The following DCHS2 variants were observed in gnomAD, a reference collection of about 807,000 sequenced individuals.
DCHS2 encodes the protein dachsous cadherin-related 2.
DCHS2 carries 142 observed loss-of-function variants against 182.4 expected under a neutral mutation model. The ratio of observed to expected loss-of-function variants is 0.78; its 90% confidence interval spans 0.68 to 0.89. The LOEUF (loss-of-function observed/expected upper bound fraction) is 0.89. Ranked by LOEUF, DCHS2 falls within the 40% of genes least tolerant of loss-of-function variation. The pLI is 0.00. For missense variants in DCHS2, 4,319 were observed against 4,198.6 expected, an observed-to-expected ratio of 1.03 and a Z score of -0.79; for synonymous variants, 1,740 against 1,663.3, an observed-to-expected ratio of 1.05 and a Z score of -1.12.
intron 19 of DCHS2, 34 bp downstream of exon 19, chr4:154,239,136 C>A: frequency 1.9e-6 from 3 of 1,595,564 alleles, no homozygotes; most frequent in Non-Finnish European, 2.6e-6. Flanking sequence ...GAAACCCAAA[C>A]CTATGAGCAT....
chr4:154,473,289 G>GAGC (rs1474809364), intron 1 of DCHS2, among the ~76,000 whole-genome samples: 2 of 152,188 alleles, frequency 1.3e-5, no homozygotes, highest in African/African-American at 4.8e-5. Flanking sequence ...CAGAGTTGGG[G>GAGC]AGCACTTCAT....
intron 1 of DCHS2, among the ~76,000 whole-genome samples, chr4:154,417,124 A>G (rs1164891832): frequency 6.6e-6 from 1 of 151,528 alleles, no homozygotes; most frequent in Non-Finnish European, 1.5e-5. Flanking sequence ...AAAACCACAC[A>G]AAAACCACCT....
intron 1 of DCHS2, among the ~76,000 whole-genome samples, chr4:154,378,175 C>G (rs1730999779): frequency 6.6e-6 from 1 of 152,072 alleles, no homozygotes; most frequent in African/African-American, 2.4e-5. Context: ...ATACGTACCA[C>G]TTATGTTACC....
chr4:154,387,242 A>C (rs1731461839), intron 1 of DCHS2, among the ~76,000 whole-genome samples: 1 of 152,164 alleles, frequency 6.6e-6, no homozygotes, highest in Non-Finnish European at 1.5e-5. Flanking sequence ...TCAAAAAAGC[A>C]GTCTAAGGAA....
chr4:154,264,038 A>G (rs1225879594), intron 14 of DCHS2, among the ~76,000 whole-genome samples: 1 of 152,160 alleles, frequency 6.6e-6, no homozygotes, highest in East Asian at 1.9e-4. Context: ...TATGGTAGCT[A>G]TACTATCATA....
Position 154,236,787 on chromosome 4 carries a change from C to A in DCHS2, c.7865G>T (p.Ser2622Ile). 1 of 1,613,990 alleles carries A rather than the reference C, an allele frequency of 6.2e-7. No homozygotes were observed. The highest frequency in any genetic ancestry group is 8.5e-7 in the Non-Finnish European group (1 of 1,179,962). ...GCTAGCACTTGCTTCTCTGTCCAGA[C>A]TGTGAAGCAACACAAGATAACCGAC... is the stretch of plus-strand genomic sequence containing the variant. ...KQVGYLVLLHSLDREASASHE... is the reference protein window; with the variant it reads ...KQVGYLVLLHILDREASASHE... The change falls in exon 20 of 20, where the codon AGT becomes ATT. Residue 2622 changes from serine to isoleucine, a missense_variant. Physicochemically the swap from Ser to Ile is moderately radical, Grantham distance 142. Coordinates refer to ENST00000357232, the MANE Select transcript of DCHS2 (RefSeq NM_001358235.2).
At chr4:154,370,754 A>T (rs1730606760) in intron 2 of DCHS2, among the ~76,000 whole-genome samples, 1 of 152,122 alleles carries the variant, frequency 6.6e-6, no homozygotes, top group Non-Finnish European at 1.5e-5. Flanking sequence ...CAGACCTGTT[A>T]TTTTTCTCCA....
intron 1 of DCHS2, among the ~76,000 whole-genome samples, chr4:154,475,811 T>G (rs1181510281): frequency 6.6e-6 from 1 of 152,216 alleles, no homozygotes; most frequent in African/African-American, 2.4e-5. Context: ...ATACATTATC[T>G]TCAATTCTCA....
intron 1 of DCHS2, among the ~76,000 whole-genome samples, chr4:154,454,053 A>G (rs1734653550): frequency 6.6e-6 from 1 of 152,218 alleles, no homozygotes; most frequent in Non-Finnish European, 1.5e-5. Flanking sequence ...TATTAAATAG[A>G]AACTATAACT....
In DCHS2 at chr4:154,490,632, G is replaced by C; in HGVS notation, c.724C>G (p.Pro242Ala). The change falls in exon 1 of 20, where the codon CCC becomes GCC. Residue 242 changes from proline to alanine, a missense_variant. Physicochemically the swap from Pro to Ala is conservative, Grantham distance 27. Transcript: ENST00000357232. ...AGCACCAGATCTAGAGGCTCCAGGGGTGACGAGGAGCCTGGCAAAAGCGGT... is the reference window on the plus strand; with the variant it reads ...AGCACCAGATCTAGAGGCTCCAGGGCTGACGAGGAGCCTGGCAAAAGCGGT... ...PSPLLPGSSS[P>A]LEPLDLVLLR... The C allele has an allele frequency of 1.9e-6, 3 of 1,550,718 alleles. No individual in the cohort carries two copies. Among genetic ancestry groups the C allele is most frequent in the Non-Finnish European group, 2.6e-6 (3 of 1,146,902 alleles).
At chr4:154,338,009 T>C (rs1350530574) in intron 3 of DCHS2, among the ~76,000 whole-genome samples, 1 of 152,130 alleles carries the variant, frequency 6.6e-6, no homozygotes, top group Non-Finnish European at 1.5e-5. Flanking sequence ...GTACTGGGAT[T>C]ATAGGTGTGA....
intron 1 of DCHS2, among the ~76,000 whole-genome samples, chr4:154,407,164 T>C (rs1032103094): frequency 7.2e-5 from 11 of 152,222 alleles, no homozygotes; most frequent in African/African-American, 2.4e-4. Context: ...ATTCTGGGAC[T>C]CAGGCATCTT....
At chr4:154,451,367 G>A (rs1367075965) in intron 1 of DCHS2, among the ~76,000 whole-genome samples, 4 of 152,186 alleles carry the variant, frequency 2.6e-5, no homozygotes, top group Non-Finnish European at 2.9e-5. Flanking sequence ...CGCTCATCAT[G>A]AACAGGATGT....
intron 3 of DCHS2, among the ~76,000 whole-genome samples, chr4:154,340,982 T>C (rs769125747): frequency 2.5e-4 from 38 of 152,336 alleles, no homozygotes; most frequent in Non-Finnish European, 3.2e-4. Flanking sequence ...GCTTAGAACC[T>C]TGCATATGGT....
At chr4:154,322,225 A>G (rs953246397) in intron 8 of DCHS2, 106 bp downstream of exon 8, 1 of 1,433,918 alleles carries the variant, frequency 7.0e-7, no homozygotes, top group South Asian at 1.3e-5. Context: ...ACATACATAC[A>G]TATTCATATA....
At chr4:154,329,798 A>C (rs1372092650) in intron 5 of DCHS2, 88 bp from the exon 6 acceptor site, 4 of 1,261,160 alleles carry the variant, frequency 3.2e-6, no homozygotes, top group Non-Finnish European at 4.4e-6. Context: ...AACCAAGTAC[A>C]AAGCTTTGAG....
intron 7 of DCHS2, among the ~76,000 whole-genome samples, chr4:154,327,068 C>A (rs746906643): frequency 2.6e-5 from 4 of 152,042 alleles, no homozygotes; most frequent in Non-Finnish European, 5.9e-5. Context: ...TTATATTTTT[C>A]TGTATGAAAG....
intron 1 of DCHS2, among the ~76,000 whole-genome samples, chr4:154,423,789 T>C (rs1466152008): frequency 2.6e-5 from 4 of 152,246 alleles, no homozygotes; most frequent in East Asian, 3.8e-4. Flanking sequence ...CATACTTATA[T>C]GCATGCATTA....
At chr4:154,454,080 C>A (rs1243178488) in intron 1 of DCHS2, among the ~76,000 whole-genome samples, 2 of 151,882 alleles carry the variant, frequency 1.3e-5, no homozygotes, top group African/African-American at 4.8e-5. Flanking sequence ...GTACAATGGT[C>A]CAATCATTTT....
Sources: allele counts gnomAD v4.1 joint callset (sites outside exome capture counted in the v4.1 genomes callset), GRCh38; gene constraint gnomAD v4.1.1; transcripts MANE v1.5; gene names NCBI Gene and HGNC (gene_info 2026-07-23, HGNC 2026-07-21).